Variants in TPO observed in about 807,000 individuals in gnomAD.
TPO encodes the protein thyroid peroxidase.
Under a neutral mutation model 96.9 loss-of-function variants are expected in TPO, and 78 were observed. The ratio of observed to expected loss-of-function variants is 0.81; its 90% CI spans 0.67 to 0.97. The LOEUF is 0.97. Ranked by LOEUF, TPO falls within the 50% of genes least tolerant of loss-of-function variation. The probability of loss-of-function intolerance (pLI) is 0.00; values close to 1 mark genes in which losing one functional copy is unlikely to be tolerated. For synonymous variants in TPO, 547 were observed against 538.0 expected (o/e 1.02, Z -0.23); for missense variants, 1,252 against 1,274.8 (o/e 0.98, Z 0.27).
intron 15 of TPO, among the ~76,000 whole-genome samples, chr2:1,529,642 GTACTGTGTGCAACCTCCTATCAC>G (rs1677551211): frequency 1.9e-4 from 1 of 5,172 alleles, no homozygotes; most frequent in African/African-American, 6.8e-4. Context: ...TCAAATCCCC[GTACTGTGTGCAACCTCCTATCAC>G]CCCCACTGTG....
intron 14 of TPO, among the ~76,000 whole-genome samples, chr2:1,506,260 C>T (rs1391393423): frequency 1.3e-5 from 2 of 151,178 alleles, no homozygotes; most frequent in African/African-American, 4.9e-5. Flanking sequence ...ATATGTGCCA[C>T]ATTTTCTTAA....
At chr2:1,377,988 C>T (rs59921585) in intron 1 of TPO, among the ~76,000 whole-genome samples, 3,131 of 152,128 alleles carry the variant, frequency 0.021, 112 homozygotes, top group African/African-American at 0.072. Flanking sequence ...GTGGTTTCCC[C>T]GATACTGTTC....
chr2:1,409,174 C>T (rs776775564), upstream of TPO, among the ~76,000 whole-genome samples: 11 of 152,202 alleles, frequency 7.2e-5, no homozygotes, highest in Non-Finnish European at 1.3e-4. Context: ...CGCACGGGGA[C>T]GTGACTGCTG....
intron 10 of TPO, among the ~76,000 whole-genome samples, chr2:1,490,899 C>G (rs900143506): frequency 1.3e-5 from 2 of 152,182 alleles, no homozygotes; most frequent in Non-Finnish European, 2.9e-5. Context: ...CTGCTGGGCA[C>G]AGTGGCTCAC....
chr2:1,393,662 T>G (rs887487980), intron 1 of TPO, among the ~76,000 whole-genome samples: 17 of 152,098 alleles, frequency 1.1e-4, no homozygotes, highest in African/African-American at 4.1e-4. Context: ...AGGCAAAAAC[T>G]GCAGAAATAC....
intron 15 of TPO, among the ~76,000 whole-genome samples, chr2:1,533,178 TCC>T (rs1247322495): frequency 6.3e-5 from 3 of 47,664 alleles, no homozygotes; most frequent in African/African-American, 1.2e-4. Context: ...CCTTCCCAAA[TCC>T]CCCCACTGTG....
At chr2:1,513,516 G>C (rs1674377347) in intron 14 of TPO, 1 of 152,266 alleles carries the variant, frequency 6.6e-6, no homozygotes, top group South Asian at 2.1e-4. Flanking sequence ...CACTCCCCTG[G>C]CCTGCGAGAG....
chr2:1,448,437 T>G (rs1667020778), intron 5 of TPO, among the ~76,000 whole-genome samples: 1 of 152,140 alleles, frequency 6.6e-6, no homozygotes. Context: ...ACTCTCTTCA[T>G]CCTCAGAGCC....
At chr2:1,492,780 G>A (rs1671896759) in intron 10 of TPO, among the ~76,000 whole-genome samples, 1 of 152,216 alleles carries the variant, frequency 6.6e-6, no homozygotes. Context: ...AGGGCGCTGA[G>A]AGTAGAACCA....
At chr2:1,394,034 C>T (rs137871801) in intron 1 of TPO, among the ~76,000 whole-genome samples, 2,890 of 152,302 alleles carry the variant, frequency 0.019, 69 homozygotes, top group South Asian at 0.12. Flanking sequence ...CACCTATCTC[C>T]TCCATGTGAC....
chr2:1,467,611 G>A (rs945939724), intron 7 of TPO, among the ~76,000 whole-genome samples: 2 of 152,008 alleles, frequency 1.3e-5, no homozygotes, highest in Non-Finnish European at 2.9e-5. Flanking sequence ...CCTATCATAT[G>A]GTCTATCTCA....
At chr2:1,375,087 G>C (rs904668880) in intron 1 of TPO, among the ~76,000 whole-genome samples, 1 of 149,120 alleles carries the variant, frequency 6.7e-6, no homozygotes, top group Admixed American at 6.9e-5. Context: ...GTTGATTAAA[G>C]AGTTTTTAAT....
intron 8 of TPO, chr2:1,478,412 G>C: frequency 4.1e-6 from 4 of 984,150 alleles, no homozygotes; most frequent in Non-Finnish European, 4.8e-6. Context: ...AGGGAGGTGC[G>C]CGTCAGTCCT....
intron 3 of TPO, among the ~76,000 whole-genome samples, chr2:1,432,594 T>C (rs1469332270): frequency 3.9e-4 from 37 of 95,906 alleles, no homozygotes; most frequent in African/African-American, 1.5e-3. Flanking sequence ...GGCCTGCAGG[T>C]GGGGTGAGGC....
In TPO at chr2:1,540,640, G is replaced by A. The variant is rs546683738; in HGVS notation, c.2665G>A (p.Gly889Arg). ...KSTLPISETGGGTPELRCGKH... is the reference protein window; with the variant it reads ...KSTLPISETGRGTPELRCGKH... ...CACACTGCCCATCTCGGAGACAGGC[G>A]GAGGAACTCCCGAGCTGAGATGCGG... Residue 889 changes from glycine to arginine, a missense_variant, in exon 16 of 17, where the codon GGA becomes AGA. By Grantham distance (125) the Gly-to-Arg change is moderately radical. Coordinates refer to ENST00000329066, the MANE Select transcript of TPO (RefSeq NM_001206744.2). 2.2e-5 allele frequency: 36 copies of A among 1,613,548 alleles called. No homozygotes were observed. The East Asian group carries it at 3.3e-4, about 15-fold the overall frequency.
intron 3 of TPO, among the ~76,000 whole-genome samples, chr2:1,426,124 T>C (rs1343643515): frequency 2.7e-5 from 4 of 146,702 alleles, no homozygotes; most frequent in Non-Finnish European, 4.4e-5. Context: ...AAGTCTATGC[T>C]CCTTCTGTAA....
At chr2:1,479,998 TC>T (rs1307270629) in intron 8 of TPO, among the ~76,000 whole-genome samples, 1 of 152,182 alleles carries the variant, frequency 6.6e-6, no homozygotes, top group African/African-American at 2.4e-5. Flanking sequence ...GCTAGGATGG[TC>T]TTGAACTCCT....
intron 16 of TPO, chr2:1,541,413 A>C (rs1425502085): frequency 5.9e-6 from 1 of 169,552 alleles, no homozygotes; most frequent in African/African-American, 2.4e-5. Flanking sequence ...ACTGGAGTGC[A>C]GTGGCACAAA....
intron 5 of TPO, among the ~76,000 whole-genome samples, chr2:1,447,034 T>A (rs2090152): frequency 0.061 from 9,335 of 152,092 alleles, 365 homozygotes; most frequent in Middle Eastern, 0.13. Context: ...AAAAATAAAA[T>A]TCTAAGTCTT....
Sources: gnomAD v4.1 joint callset for allele counts (sites outside exome capture counted in the v4.1 genomes callset) on GRCh38, gnomAD v4.1.1 for gene constraint, MANE v1.5 for transcripts, NCBI Gene and HGNC (gene_info 2026-07-23, HGNC 2026-07-21) for gene names.